PUM2: variants seen among roughly 807,000 people sequenced by gnomAD.
The protein encoded by PUM2 is pumilio homolog 2.
PUM2 carries 57 observed loss-of-function variants against 124.5 expected under a neutral mutation model. The observed-to-expected ratio is 0.46, with a 90% CI of 0.37 to 0.57. PUM2 has a LOEUF of 0.57. Among genes scored for constraint, PUM2 ranks in the 20% least tolerant of loss-of-function variants. PUM2 has a pLI of 0.00. For missense variants in PUM2, 1,065 were observed against 1,290.6 expected, an observed-to-expected ratio of 0.83 and a Z score of 2.68; for synonymous variants, 460 against 446.1, an observed-to-expected ratio of 1.03 and a Z score of -0.39.
At chr2:20,318,486 T>C in intron 3 of PUM2, 51 bp downstream of exon 3, 3 of 1,498,982 alleles carry the variant, frequency 2.0e-6, no homozygotes, top group Non-Finnish European at 1.8e-6. Flanking sequence ...CATTATGACT[T>C]ATAAAATGCT....
intron 14 of PUM2, among the ~76,000 whole-genome samples, chr2:20,261,189 G>A (rs918827610): frequency 1.3e-5 from 2 of 151,760 alleles, no homozygotes; most frequent in Non-Finnish European, 2.9e-5. Flanking sequence ...TCAGGAGTTC[G>A]AGACCAGCCT....
chr2:20,336,177 GTTTTTTTGTTTT>G (rs147010318), intron 1 of PUM2, among the ~76,000 whole-genome samples: 2,183 of 148,020 alleles, frequency 0.015, 66 homozygotes, highest in African/African-American at 0.049. Flanking sequence ...CACAAAAAGC[GTTTTTTTGTTTT>G]TTTGTTTGTT....
At chr2:20,300,807 C>G (rs1292119636) in intron 7 of PUM2, among the ~76,000 whole-genome samples, 1 of 148,496 alleles carries the variant, frequency 6.7e-6, no homozygotes, top group East Asian at 2.0e-4. Context: ...AAAAAAAAAG[C>G]TACGCATCTG....
At chr2:20,255,095 T>G (rs1248267140) in intron 18 of PUM2, 111 bp from the exon 19 acceptor site, 4 of 1,461,442 alleles carry the variant, frequency 2.7e-6, no homozygotes, top group Non-Finnish European at 2.8e-6. Context: ...GTTAGGAGAA[T>G]ACAACAGCCT....
intron 9 of PUM2, 62 bp from the exon 10 acceptor site, chr2:20,290,852 T>A: frequency 7.9e-7 from 1 of 1,267,994 alleles, no homozygotes; most frequent in Non-Finnish European, 1.1e-6. Context: ...AAATTTATCT[T>A]GGACAACTGT....
chr2:20,306,982 G>A (rs953664515), intron 7 of PUM2, among the ~76,000 whole-genome samples: 2 of 151,816 alleles, frequency 1.3e-5, no homozygotes, highest in Non-Finnish European at 2.9e-5. Context: ...GGGAGGCCGA[G>A]GGGGGGCTGA....
chr2:20,297,682 T>C lies in PUM2; in HGVS notation c.884-4A>G. On this transcript the variant is annotated splice_polypyrimidine_tract_variant and splice_region_variant and intron_variant, in intron 7 of 20. Coordinates refer to ENST00000361078, the MANE Select transcript of PUM2 (RefSeq NM_015317.5). The stretch of plus-strand genomic sequence containing the variant: ...AGGCCTGCTGAGAATACACCAGCTA[T>C]ATTTTAAAAGGGGAGAAATAATAAA... 6.2e-7 allele frequency: 1 copy of C among 1,606,172 alleles called. No individual in the cohort carries two copies. Among genetic ancestry groups the C allele is most frequent in the Non-Finnish European group, 8.5e-7 (1 of 1,176,724 alleles).
intron 1 of PUM2, among the ~76,000 whole-genome samples, chr2:20,335,662 C>G (rs1226634447): frequency 6.6e-6 from 1 of 152,086 alleles, no homozygotes; most frequent in African/African-American, 2.4e-5. Flanking sequence ...CAAAAAAGCT[C>G]TATAACAAAG....
chr2:20,293,231 G>T (rs781066430), intron 9 of PUM2, among the ~76,000 whole-genome samples: 1 of 152,182 alleles, frequency 6.6e-6, no homozygotes, highest in Non-Finnish European at 1.5e-5. Context: ...AACAACTCAG[G>T]ACAAGTGGGA....
chr2:20,260,829 T>G (rs995131098), intron 14 of PUM2, among the ~76,000 whole-genome samples: 3 of 152,132 alleles, frequency 2.0e-5, no homozygotes, highest in African/African-American at 7.2e-5. Flanking sequence ...CCCTTAGAAG[T>G]AAAATTCATC....
At chr2:20,291,110 C>T (rs1231955043) in intron 9 of PUM2, among the ~76,000 whole-genome samples, 2 of 152,094 alleles carry the variant, frequency 1.3e-5, no homozygotes, top group African/African-American at 4.8e-5. Flanking sequence ...TTTTATTATT[C>T]TCAACAACAG....
At chr2:20,317,880 C>A (rs1407095950) in intron 3 of PUM2, among the ~76,000 whole-genome samples, 1 of 152,164 alleles carries the variant, frequency 6.6e-6, no homozygotes, top group East Asian at 1.9e-4. Context: ...ATCTTTTTTT[C>A]ATGGCTGCAT....
chr2:20,320,126 C>T (rs1213530172), intron 2 of PUM2, among the ~76,000 whole-genome samples: 1 of 152,016 alleles, frequency 6.6e-6, no homozygotes, highest in Non-Finnish European at 1.5e-5. Flanking sequence ...ATTAGCCAGG[C>T]GTGGTTGCCA....
intron 14 of PUM2, among the ~76,000 whole-genome samples, chr2:20,261,247 TG>T (rs1385321126): frequency 6.6e-6 from 1 of 151,426 alleles, no homozygotes; most frequent in Non-Finnish European, 1.5e-5. Context: ...AAAAATTAGT[TG>T]GGCACGGTGG....
chr2:20,336,294 A>G (rs6706872), intron 1 of PUM2, among the ~76,000 whole-genome samples: 126,298 of 151,868 alleles, frequency 0.83, 52,910 homozygotes, highest in East Asian at 0.94. Context: ...CTAGTGATCC[A>G]TCTACTCAGT....
chr2:20,253,878 C>T lies in PUM2; in HGVS notation c.3007G>A (p.Val1003Ile), dbSNP rs776241666. Residue 1003 changes from valine (V) to isoleucine (I), a missense_variant, in exon 20 of 21, where the codon GTT (valine) becomes ATT (isoleucine). This residue lies in a region of PUM2 where 968 missense variants were observed against 1,159.8 expected (regional missense o/e 0.83). Coordinates refer to ENST00000361078, the MANE Select transcript of PUM2 (RefSeq NM_015317.5). The part of the protein sequence containing the change: ...MMKDQYANYV[V>I]QKMIDMAEPA... ...TCAGCCATATCAATCATCTTTTGAA[C>T]CACGTAATTGGCATACTGGTCCTTC... 2 of 1,613,882 alleles carry T rather than the reference C, an allele frequency of 1.2e-6. No homozygotes were observed. The highest frequency in any genetic ancestry group is 1.3e-5 in the African/African-American group (1 of 74,892).
chr2:20,293,430 C>T (rs755568463), intron 9 of PUM2, among the ~76,000 whole-genome samples: 5 of 152,156 alleles, frequency 3.3e-5, no homozygotes, highest in Admixed American at 6.5e-5. Flanking sequence ...ATATATTACC[C>T]GAGAGCGGTG....
intron 1 of PUM2, among the ~76,000 whole-genome samples, chr2:20,342,128 CA>C (rs776745768): frequency 2.1e-3 from 195 of 94,410 alleles, no homozygotes; most frequent in East Asian, 6.4e-3. Flanking sequence ...GACTCTGTCT[CA>C]AAAAAAAAAA....
At chr2:20,336,121 T>G (rs1458888296) in intron 1 of PUM2, among the ~76,000 whole-genome samples, 1 of 152,196 alleles carries the variant, frequency 6.6e-6, no homozygotes, top group Non-Finnish European at 1.5e-5. Flanking sequence ...GTCAAATAAT[T>G]TAGATGGAAA....
Sources: allele counts gnomAD v4.1 joint callset (sites outside exome capture counted in the v4.1 genomes callset), GRCh38; gene constraint gnomAD v4.1.1; regional missense constraint gnomAD v4.1.1; transcripts MANE v1.5; gene names NCBI Gene and HGNC (gene_info 2026-07-23, HGNC 2026-07-21).